The following CNST variants were observed in gnomAD, a reference collection of about 807,000 sequenced individuals.
CNST encodes consortin.
In CNST, 39 loss-of-function variants were observed where a neutral mutation model predicts 72.4. The observed-to-expected ratio is 0.54, with a 90% CI of 0.42 to 0.70. The LOEUF is 0.70. Among genes scored for constraint, CNST ranks in the 30% least tolerant of loss-of-function variants. CNST has a pLI of 0.00. For missense variants in CNST, 871 were observed against 868.5 expected (o/e 1.00, Z -0.04); for synonymous variants, 332 against 320.1 (o/e 1.04, Z -0.40).
intron 2 of CNST, among the ~76,000 whole-genome samples, chr1:246,614,566 G>T (rs1204773267): frequency 6.6e-6 from 1 of 150,666 alleles, no homozygotes; most frequent in African/African-American, 2.5e-5. Context: ...CCACTTCCTG[G>T]GTTCAAGTGA....
intron 9 of CNST, among the ~76,000 whole-genome samples, chr1:246,650,295 C>T (rs996715376): frequency 5.3e-5 from 8 of 152,126 alleles, no homozygotes; most frequent in Non-Finnish European, 1.2e-4. Flanking sequence ...ATAATGGTCT[C>T]CTTTCCTAAG....
chr1:246,633,159 A>G (rs781657062), intron 4 of CNST, among the ~76,000 whole-genome samples: 1 of 152,190 alleles, frequency 6.6e-6, no homozygotes, highest in Non-Finnish European at 1.5e-5. Flanking sequence ...AAACCAAGAA[A>G]CATTACTAGG....
chr1:246,578,787 A>G (rs931016396), intron 1 of CNST, among the ~76,000 whole-genome samples: 1 of 152,208 alleles, frequency 6.6e-6, no homozygotes, highest in African/African-American at 2.4e-5. Flanking sequence ...ACCCCAGCTC[A>G]AATTCCATCT....
At position 246,668,442 on chromosome 1, in the gene CNST, G is replaced by C. The variant is rs1056454068; in HGVS notation, c.*2537G>C. 1.3e-5 allele frequency: 2 copies of C among 152,170 alleles called. No homozygotes were observed. Among genetic ancestry groups the C allele is most frequent in the Non-Finnish European group, 2.9e-5 (2 of 68,040 alleles). The allele number at this position is 152,170 out of a possible 1,614,324, so 9.4% of individuals were successfully genotyped here. A position where few individuals can be genotyped will look rare whatever the true frequency, so the allele number is the denominator to read the frequency against. The stretch of plus-strand genomic sequence containing the variant: ...GTTGATCTGGCCCTACAAGTAGACA[G>C]TCATCTACTTTGGGAAGACTAATAG... On this transcript the variant is annotated 3_prime_UTR_variant, in exon 11 of 11. Transcript: ENST00000366513.
Position 246,591,857 on chromosome 1 carries a change from C to G in CNST, c.295C>G (p.Gln99Glu). 2 of 1,614,054 alleles carry G rather than the reference C, an allele frequency of 1.2e-6. No individual in the cohort carries two copies. The highest frequency in any genetic ancestry group is 1.7e-6 in the Non-Finnish European group (2 of 1,180,010). ...CCTTTGTGAAGCCTCCAGAGATGAA[C>G]AGGCCTTCTTGGGAAAGGACAAAAA... ...NTLCEASRDE[Q>E]AFLGKDKKIP... is the part of the protein sequence containing the mutation. Residue 99 changes from glutamine to glutamate, a missense_variant, in exon 2 of 11, where the codon CAG becomes GAG. Gln to Glu is a conservative substitution (Grantham distance 29, BLOSUM62 2). Coordinates refer to ENST00000366513, the MANE Select transcript of CNST (RefSeq NM_152609.3).
intron 5 of CNST, 50 bp from the exon 6 acceptor site, chr1:246,634,423 C>T (rs1368559323): frequency 9.0e-7 from 1 of 1,116,124 alleles, no homozygotes; most frequent in Non-Finnish European, 1.3e-6. Flanking sequence ...TTTTTTTGCT[C>T]CTAAATATGT....
At chr1:246,569,937 T>C (rs1410930140) in intron 1 of CNST, 4 of 982,752 alleles carry the variant, frequency 4.1e-6, no homozygotes, top group Non-Finnish European at 3.6e-6. Flanking sequence ...TGAACTTTAT[T>C]GTGAACAGGT....
At chr1:246,631,506 TG>T (rs542532784) in intron 3 of CNST, among the ~76,000 whole-genome samples, 1 of 152,264 alleles carries the variant, frequency 6.6e-6, no homozygotes, top group Non-Finnish European at 1.5e-5. Context: ...TCACAGCATT[TG>T]AAAGGAATAT....
chr1:246,625,869 T>C (rs571554446), intron 3 of CNST, among the ~76,000 whole-genome samples: 4 of 152,278 alleles, frequency 2.6e-5, no homozygotes, highest in African/African-American at 9.6e-5. Flanking sequence ...AAGTCACCAG[T>C]GATTTCCATG....
At chr1:246,599,190 A>G (rs910291275) in intron 2 of CNST, among the ~76,000 whole-genome samples, 1 of 151,668 alleles carries the variant, frequency 6.6e-6, no homozygotes, top group African/African-American at 2.4e-5. Context: ...AAAAAAAAAA[A>G]GCCCCAATAT....
chr1:246,641,790 G>C lies in CNST; in HGVS notation c.840+20G>C, dbSNP rs1288626031. 1 of 1,321,128 alleles carries C rather than the reference G, an allele frequency of 7.6e-7. No individual in the cohort carries two copies. The highest frequency in any genetic ancestry group is 1.1e-6 in the Non-Finnish European group (1 of 927,334). 81.8% of individuals were successfully genotyped at this position (1,321,128 alleles called of 1,614,324 possible). A position where few individuals can be genotyped will look rare whatever the true frequency, so the allele number is the denominator to read the frequency against. On this transcript the variant is annotated intron_variant, in intron 7 of 10. Transcript: ENST00000366513. ...CATAAGGTAAGAGATTGTTTCTTTT[G>C]AATATATTTCTAGGAAAAATGTTTG...
In CNST at chr1:246,660,240, GAAT is replaced by G; in HGVS notation, c.1879_1881del (p.Asn627del). The G allele has an allele frequency of 6.2e-7, 1 of 1,613,126 alleles. No homozygotes were observed. Among genetic ancestry groups the G allele is most frequent in the Non-Finnish European group, 8.5e-7 (1 of 1,179,320 alleles). Reference sequence around the variant, plus strand: ...GATTGGTCTCCATATTAAAGAAGAGGAATGATACTGTAGGAGATCATCCTGCCC... The same window carrying G: ...GATTGGTCTCCATATTAAAGAAGAGGGATACTGTAGGAGATCATCCTGCCC... On this transcript the variant is annotated inframe_deletion, in exon 10 of 11. Transcript: ENST00000366513.
At chr1:246,613,636 A>G (rs1456315911) in intron 2 of CNST, among the ~76,000 whole-genome samples, 11 of 94,926 alleles carry the variant, frequency 1.2e-4, no homozygotes, top group Non-Finnish European at 2.2e-4. Context: ...GCCTTTTTTT[A>G]TTCTTTCTTT....
chr1:246,605,550 G>C (rs955691879), intron 2 of CNST, among the ~76,000 whole-genome samples: 1 of 152,176 alleles, frequency 6.6e-6, no homozygotes, highest in Non-Finnish European at 1.5e-5. Context: ...CATGAGGACG[G>C]GGCAGGGGTT....
intron 3 of CNST, among the ~76,000 whole-genome samples, chr1:246,625,463 C>A (rs185423775): frequency 1.2e-3 from 160 of 138,830 alleles, no homozygotes; most frequent in African/African-American, 4.3e-3. Flanking sequence ...GCTCTGTCAC[C>A]CAGGCTGGAG....
chr1:246,646,732 G>A (rs1350298803), intron 8 of CNST, among the ~76,000 whole-genome samples: 1 of 152,144 alleles, frequency 6.6e-6, no homozygotes, highest in Non-Finnish European at 1.5e-5. Flanking sequence ...CGCCCACCTC[G>A]GCCTCCCAAA....
chr1:246,649,728 A>C (rs374304011), intron 9 of CNST, among the ~76,000 whole-genome samples: 1 of 151,854 alleles, frequency 6.6e-6, no homozygotes, highest in Non-Finnish European at 1.5e-5. Context: ...TTTTAGAACT[A>C]TCTTTCCCCA....
chr1:246,577,263 T>C (rs534339590), intron 1 of CNST, among the ~76,000 whole-genome samples: 1 of 152,192 alleles, frequency 6.6e-6, no homozygotes, highest in African/African-American at 2.4e-5. Flanking sequence ...CCTGTTGTTA[T>C]GACTTTGTTG....
intron 3 of CNST, among the ~76,000 whole-genome samples, chr1:246,628,409 G>A (rs570436054): frequency 6.6e-6 from 1 of 152,302 alleles, no homozygotes; most frequent in East Asian, 1.9e-4. Flanking sequence ...TAGGAAAATT[G>A]TGATTTAAAA....
Sources: gnomAD v4.1 joint callset for allele counts (sites outside exome capture counted in the v4.1 genomes callset) on GRCh38, gnomAD v4.1.1 for gene constraint, MANE v1.5 for transcripts, NCBI Gene and HGNC (gene_info 2026-07-23, HGNC 2026-07-21) for gene names.